The following PDE4DIP variants were observed in gnomAD, a reference collection of about 807,000 sequenced individuals.
The protein encoded by PDE4DIP is phosphodiesterase 4D interacting protein.
A neutral mutation model predicts 221.4 loss-of-function variants in PDE4DIP; 59 were observed. The ratio of observed to expected loss-of-function variants is 0.27; its 90% CI spans 0.22 to 0.33. PDE4DIP has a LOEUF of 0.33. Ranked by LOEUF, PDE4DIP falls within the 10% of genes least tolerant of loss-of-function variation. PDE4DIP has a pLI of 1.00. For missense variants in PDE4DIP, 1,036 were observed against 2,154.2 expected, an observed-to-expected ratio of 0.48 and a Z score of 10.28; for synonymous variants, 404 against 815.9, an observed-to-expected ratio of 0.50 and a Z score of 8.60.
chr1:148,964,146 G>A (rs1255896866), intron 9 of PDE4DIP, among the ~76,000 whole-genome samples: 4 of 110,598 alleles, frequency 3.6e-5, no homozygotes, highest in African/African-American at 7.2e-5. Context: ...TTTTGCTCTT[G>A]TTGCCCAGGC....
intron 1 of PDE4DIP, among the ~76,000 whole-genome samples, chr1:148,919,964 A>G (rs1233647886): frequency 8.9e-5 from 12 of 135,166 alleles, no homozygotes; most frequent in Admixed American, 3.0e-4. Context: ...TGACCTTAAC[A>G]CAACTCTGAT....
intron 4 of PDE4DIP, among the ~76,000 whole-genome samples, chr1:148,936,951 G>T (rs1309690387): frequency 6.6e-6 from 1 of 152,090 alleles, no homozygotes; most frequent in African/African-American, 2.4e-5. Context: ...CAGTTATTTT[G>T]TTTAATAAGT....
intron 1 of PDE4DIP, among the ~76,000 whole-genome samples, chr1:148,838,648 A>G (rs1674199496): frequency 2.4e-5 from 3 of 126,144 alleles, no homozygotes; most frequent in African/African-American, 8.2e-5. Flanking sequence ...CTCCTTTTTT[A>G]GCCCACTTTT....
At chr1:148,998,250 A>C (rs782278074) in exon 23 of PDE4DIP, 1 of 1,601,742 alleles carries the variant, frequency 6.2e-7, no homozygotes, top group Admixed American at 1.7e-5. Context: ...GTCTTCAGGA[A>C]GAAATGCTCC....
chr1:148,970,454 A>G (rs1574579146), intron 14 of PDE4DIP, among the ~76,000 whole-genome samples: 1 of 152,052 alleles, frequency 6.6e-6, no homozygotes, highest in Non-Finnish European at 1.5e-5. Context: ...AATGGAGATG[A>G]TGGAAATTAC....
rs587616583 is a variant in PDE4DIP, at chr1:148,978,320, A to G, written c.2479A>G (p.Met827Val). The G allele has an allele frequency of 8.0e-4, 1,292 of 1,612,416 alleles. 19 individuals carry two copies. In the South Asian group the frequency reaches 0.013, roughly 17 times the overall value. Residue 827 changes from methionine (M) to valine (V), a missense_variant, in exon 19 of 44, where the codon ATG becomes GTG. Coordinates refer to ENST00000369354, the Ensembl canonical transcript of PDE4DIP. ...GGTTGATCCTGAAGACATACCAGCTATGGAACGCCTGACCCAGGAAGTCTT... is the reference window on the plus strand; with the variant it reads ...GGTTGATCCTGAAGACATACCAGCTGTGGAACGCCTGACCCAGGAAGTCTT...
intron 1 of PDE4DIP, among the ~76,000 whole-genome samples, chr1:148,923,346 A>C (rs2045916597): frequency 6.6e-6 from 1 of 151,326 alleles, no homozygotes; most frequent in East Asian, 2.0e-4. Context: ...TTGTTAGTCC[A>C]CTTCCGCCTC....
chr1:148,940,959 T>C (rs2050396977), intron 5 of PDE4DIP, among the ~76,000 whole-genome samples: 1 of 148,336 alleles, frequency 6.7e-6, no homozygotes, highest in Non-Finnish European at 1.5e-5. Context: ...CAAAAGTCAT[T>C]TGGAATTTGG....
At chr1:148,952,410 G>T (rs1193136467) in intron 5 of PDE4DIP, 2 of 1,083,438 alleles carry the variant, frequency 1.8e-6, no homozygotes, top group Non-Finnish European at 1.1e-6. Context: ...CTGCGCGGCC[G>T]GCCGCTGCTG....
At chr1:149,016,948 T>C (rs1191105830) in intron 33 of PDE4DIP, among the ~76,000 whole-genome samples, 1 of 152,234 alleles carries the variant, frequency 6.6e-6, no homozygotes, top group African/African-American at 2.4e-5. Flanking sequence ...TGCAAATATA[T>C]CCTGTGCACA....
At chr1:149,032,857 T>C (rs1055484) in exon 44 of PDE4DIP, 2,152 of 207,418 alleles carry the variant, frequency 0.01, 39 homozygotes, top group African/African-American at 0.034. Flanking sequence ...GTAGAATGTG[T>C]TTGTGTGTAT....
intron 17 of PDE4DIP, among the ~76,000 whole-genome samples, chr1:148,977,052 TATC>T (rs1553538236): frequency 1.5e-5 from 1 of 65,986 alleles, no homozygotes; most frequent in Non-Finnish European, 2.8e-5. Context: ...CTATGGTTGT[TATC>T]ATGATTTTTT....
At chr1:148,821,011 C>G (rs1186759674) in intron 1 of PDE4DIP, among the ~76,000 whole-genome samples, 1 of 150,226 alleles carries the variant, frequency 6.7e-6, no homozygotes, top group African/African-American at 2.5e-5. Flanking sequence ...AATACCTCGC[C>G]CGGCTAATTT....
chr1:149,020,025 C>T (rs1553616198), intron 35 of PDE4DIP, 122 bp from the exon 39 acceptor site: 7 of 599,180 alleles, frequency 1.2e-5, no homozygotes. Context: ...CTCTTCCCAC[C>T]AACATAGGGC....
rs1553606117 is a variant in PDE4DIP at position 149,012,572 on chromosome 1, C to T, written c.5081-19C>T. The T allele has an allele frequency of 6.4e-7, 1 of 1,563,860 alleles. No homozygotes were observed. Among genetic ancestry groups the T allele is most frequent in the East Asian group, 2.3e-5 (1 of 44,354 alleles). On this transcript the variant is annotated intron_variant, in intron 31 of 43. Coordinates refer to ENST00000369354, the Ensembl canonical transcript of PDE4DIP. ...CTCTTGATGATGTGTCTCTTTTCTC[C>T]TTAACTTTCTTTTCCTAGGCTTTCA...
chr1:148,998,409 A>G (rs1625285), intron 23 of PDE4DIP, 34 bp downstream of exon 26: 4 of 1,321,448 alleles, frequency 3.0e-6, no homozygotes, highest in Admixed American at 3.4e-5. Context: ...GGGAGCTTGC[A>G]GGTCATGAGG....
rs145452098 is a variant in PDE4DIP at position 149,031,980 on chromosome 1, T to A, written c.7036T>A (p.Leu2346Met). The A allele has an allele frequency of 2.2e-4, 356 of 1,610,090 alleles. No homozygotes were observed. The African/African-American group carries it at 4.4e-3, about 20-fold the overall frequency. Residue 2346 changes from leucine (L) to methionine (M), a missense_variant, in exon 44 of 44, where the codon TTG (leucine) becomes ATG (methionine). Physicochemically the swap from Leu to Met is conservative, Grantham distance 15. Transcript: ENST00000369354. ...AAGGGCTCTGCCATGTACTCCAGCC[T>A]TGTGACCCTTGCCTTCCAGGAACCA...
intron 37 of PDE4DIP, among the ~76,000 whole-genome samples, chr1:149,023,640 A>G (rs1395416416): frequency 4.4e-5 from 6 of 137,248 alleles, no homozygotes; most frequent in African/African-American, 1.6e-4. Flanking sequence ...ATATGTGTGC[A>G]CATATATATG....
chr1:149,029,121 C>A (rs1310954904), intron 41 of PDE4DIP, among the ~76,000 whole-genome samples: 1 of 152,284 alleles, frequency 6.6e-6, no homozygotes, highest in African/African-American at 2.4e-5. Context: ...TGAGACTGAG[C>A]CTTTTTAGCC....
Sources: gnomAD v4.1 joint callset for allele counts (sites outside exome capture counted in the v4.1 genomes callset) on GRCh38, gnomAD v4.1.1 for gene constraint, MANE v1.5 for transcripts, NCBI Gene and HGNC (gene_info 2026-07-23, HGNC 2026-07-21) for gene names.